EYS: variants seen among roughly 807,000 people sequenced by gnomAD.
EYS encodes EGF-like photoreceptor maintenance factor, also known as protein eyes shut homolog.
A neutral mutation model predicts 282.1 loss-of-function variants in EYS; 250 were observed. The observed-to-expected ratio is 0.89, with a 90% confidence interval of 0.80 to 0.98. The LOEUF (loss-of-function observed/expected upper bound fraction) is 0.98, where lower values mean the gene tolerates loss of function less well. EYS is among the 50% of genes least tolerant of loss of function. EYS has a pLI of 0.00. For synonymous variants in EYS, 1,355 were observed against 1,282.9 expected (o/e 1.06, Z -1.20); for missense variants, 4,016 against 3,709.0 (o/e 1.08, Z -2.15).
intron 37 of EYS, chr6:63,797,079 G>C (rs1770664974): frequency 6.6e-6 from 1 of 152,144 alleles, no homozygotes; most frequent in African/African-American, 2.4e-5. Context: ...AATGCCTTTT[G>C]ATTTCTGAAA....
chr6:64,906,277 T>TA (rs893453630), intron 16 of EYS, among the ~76,000 whole-genome samples: 5 of 151,570 alleles, frequency 3.3e-5, no homozygotes, highest in African/African-American at 4.8e-5. Context: ...AAAGTGAACT[T>TA]AAAAAAAAGA....
At chr6:64,048,649 C>T (rs2149842532) in intron 33 of EYS, among the ~76,000 whole-genome samples, 1 of 152,092 alleles carries the variant, frequency 6.6e-6, no homozygotes, top group East Asian at 1.9e-4. Flanking sequence ...TCATGATTAC[C>T]TGGAGGTCTG....
At chr6:65,188,560 T>C (rs768855629) in intron 12 of EYS, among the ~76,000 whole-genome samples, 12 of 151,552 alleles carry the variant, frequency 7.9e-5, no homozygotes, top group Non-Finnish European at 1.6e-4. Flanking sequence ...TCAGAACTTG[T>C]GAATGCGCAT....
In EYS at chr6:65,035,010, C is replaced by A. The variant is rs1772722933; in HGVS notation, c.2137+22604G>T. Among the ~76,000 whole-genome samples, 5 of 152,174 alleles carry A rather than the reference C, an allele frequency of 3.3e-5. No homozygotes were observed. In the South Asian group the frequency reaches 1.0e-3, roughly 32 times the overall value. On this transcript the variant is annotated intron_variant, in intron 13 of 42. Transcript: ENST00000503581. ...TTAGTACCACATCAAAGAGCTAATC[C>A]ACCACAGTCAAGTAGGCCATATTCC...
chr6:65,097,751 C>T (rs1774780051), intron 12 of EYS, among the ~76,000 whole-genome samples: 1 of 148,996 alleles, frequency 6.7e-6, no homozygotes, highest in African/African-American at 2.5e-5. Flanking sequence ...AAGTCAGCCA[C>T]AAAAGACTCA....
At chr6:64,816,195 T>G (rs751529356) in intron 21 of EYS, among the ~76,000 whole-genome samples, 1 of 152,126 alleles carries the variant, frequency 6.6e-6, no homozygotes, top group Non-Finnish European at 1.5e-5. Flanking sequence ...CGGTACCTAC[T>G]AAGTCCCTAC....
intron 14 of EYS, among the ~76,000 whole-genome samples, chr6:64,949,485 T>C (rs114585421): frequency 0.012 from 1,827 of 152,042 alleles, 39 homozygotes; most frequent in African/African-American, 0.042. Flanking sequence ...CATGCCAGTT[T>C]GTTTTTTTAA....
At chr6:63,863,964 G>GTACC (rs1443517512) in intron 36 of EYS, among the ~76,000 whole-genome samples, 2 of 152,110 alleles carry the variant, frequency 1.3e-5, no homozygotes, top group Non-Finnish European at 2.9e-5. Flanking sequence ...GTGAGCCACT[G>GTACC]TACCTAGCCA....
Position 64,180,487 on chromosome 6 carries a change from A to G in EYS, c.6424+50105T>C, listed in dbSNP as rs147821860. Among the ~76,000 whole-genome samples the G allele has an allele frequency of 4.6e-5, 7 of 152,230 alleles. No homozygotes were observed. In the East Asian group the frequency reaches 9.7e-4, roughly 21 times the overall value. On this transcript the variant is annotated intron_variant, in intron 31 of 42. Transcript: ENST00000503581. ...CAGGTTTGTTACATGGGTAAACTGCATATCACTGAGGTTTGGGGTATGAAT... is the reference window on the plus strand; with the variant it reads ...CAGGTTTGTTACATGGGTAAACTGCGTATCACTGAGGTTTGGGGTATGAAT...
chr6:64,887,691 A>G (rs1286048998), intron 18 of EYS, among the ~76,000 whole-genome samples: 1 of 152,028 alleles, frequency 6.6e-6, no homozygotes, highest in Non-Finnish European at 1.5e-5. Context: ...TACTTCTTCA[A>G]CCTACATTAA....
intron 12 of EYS, among the ~76,000 whole-genome samples, chr6:65,058,263 G>T (rs939204950): frequency 1.3e-5 from 2 of 151,960 alleles, no homozygotes; most frequent in Non-Finnish European, 2.9e-5. Context: ...AAATTATCCA[G>T]TCTCAGCCTC....
intron 24 of EYS, among the ~76,000 whole-genome samples, chr6:64,607,383 C>T (rs1457658034): frequency 6.6e-6 from 1 of 151,850 alleles, no homozygotes; most frequent in Non-Finnish European, 1.5e-5. Context: ...TTATAAATAA[C>T]AGAAATTTAT....
intron 35 of EYS, among the ~76,000 whole-genome samples, chr6:63,971,531 A>C (rs776114574): frequency 6.6e-6 from 1 of 152,184 alleles, no homozygotes; most frequent in Admixed American, 6.5e-5. Context: ...AGTTTTCTCC[A>C]TGGGAGAAGA....
At chr6:65,180,101 A>G (rs1328287271) in intron 12 of EYS, among the ~76,000 whole-genome samples, 1 of 151,704 alleles carries the variant, frequency 6.6e-6, no homozygotes, top group African/African-American at 2.4e-5. Context: ...CCAATATCAT[A>G]CTGAATGGGC....
Position 64,230,687 on chromosome 6 carries a change from T to C in EYS, c.6329A>G (p.Asn2110Ser). ...PSVCQQDVCH[N>S]GGTCHAIFLS... ...GAAGATGGCATGGCATGTGCCTCCA[T>C]TGTGGCATACATCCTGCTGGCACAC... Residue 2110 changes from asparagine (N) to serine (S), a missense_variant, in exon 31 of 43, where the codon AAT (asparagine) becomes AGT (serine). Physicochemically the swap from Asn to Ser is conservative, Grantham distance 46 (BLOSUM62 1). Transcript: ENST00000503581. 6.4e-7 allele frequency: 1 copy of C among 1,551,570 alleles called. No homozygotes were observed. The highest frequency in any genetic ancestry group is 8.7e-7 in the Non-Finnish European group (1 of 1,146,904).
In EYS at chr6:63,958,166, C is replaced by A. The variant is rs140905744; in HGVS notation, c.7055+26217G>T. ...ACTAATATAATTCATTTTGAGTGAA[C>A]AAATATTTATTGAGAGTGTTCCAGA... On this transcript the variant is annotated intron_variant, in intron 35 of 42. Transcript: ENST00000503581. Among the ~76,000 whole-genome samples the A allele has an allele frequency of 3.3e-3, 459 of 140,294 alleles. 29 individuals carry two copies. Among genetic ancestry groups the A allele is most frequent in the Middle Eastern group, 0.015 (4 of 268 alleles). 92.0% of individuals were successfully genotyped at this position (140,294 alleles called of 152,430 possible). A position where few individuals can be genotyped will look rare whatever the true frequency, so the allele number is the denominator to read the frequency against.
intron 19 of EYS, among the ~76,000 whole-genome samples, chr6:64,839,292 T>C (rs1037329390): frequency 1.2e-4 from 18 of 152,048 alleles, no homozygotes; most frequent in African/African-American, 4.3e-4. Context: ...ATTCCACATA[T>C]AATTTTTATA....
At chr6:64,754,329 A>G (rs1450655420) in intron 22 of EYS, among the ~76,000 whole-genome samples, 1 of 152,100 alleles carries the variant, frequency 6.6e-6, no homozygotes, top group African/African-American at 2.4e-5. Flanking sequence ...AATAAAAAGG[A>G]GTGAAATAGA....
intron 35 of EYS, among the ~76,000 whole-genome samples, chr6:63,900,299 G>A (rs920955106): frequency 1.3e-5 from 2 of 152,102 alleles, no homozygotes; most frequent in African/African-American, 4.8e-5. Context: ...TACAGTTTTG[G>A]TGGTGCCTTG....
Sources: gnomAD v4.1 joint callset for allele counts (sites outside exome capture counted in the v4.1 genomes callset) on GRCh38, gnomAD v4.1.1 for gene constraint, MANE v1.5 for transcripts, NCBI Gene and HGNC (gene_info 2026-07-23, HGNC 2026-07-21) for gene names.